RECQL5: variants seen among roughly 807,000 people sequenced by gnomAD.
RECQL5 encodes the protein RecQ like helicase 5, also known as ATP-dependent DNA helicase Q5.
In RECQL5, 88 loss-of-function variants were observed where a neutral mutation model predicts 103.4. The observed-to-expected ratio is 0.85, with a 90% CI of 0.72 to 1.02. The LOEUF (loss-of-function observed/expected upper bound fraction) is 1.02, where lower values mean the gene tolerates loss of function less well. Ranked by LOEUF, RECQL5 falls within the 50% of genes least tolerant of loss-of-function variation. The probability of loss-of-function intolerance (pLI) is 0.00; values close to 1 mark genes in which losing one functional copy is unlikely to be tolerated. For missense variants in RECQL5, 1,232 were observed against 1,284.3 expected (o/e 0.96, Z 0.62); for synonymous variants, 552 against 507.9 (o/e 1.09, Z -1.17).
chr17:75,630,492 C>G (rs1598983688), intron 13 of RECQL5, 127 bp downstream of exon 13: 2 of 1,074,718 alleles, frequency 1.9e-6, no homozygotes, highest in East Asian at 2.4e-5. Flanking sequence ...TAGGGGCAGT[C>G]CCCTGGAGTA....
chr17:75,649,639 G>A, intron 8 of RECQL5: 1 of 985,452 alleles, frequency 1.0e-6, no homozygotes. Flanking sequence ...GTGGAGAAGG[G>A]GCTTTTTCTT....
chr17:75,658,323 A>T lies in RECQL5; in HGVS notation c.1124T>A (p.Ile375Asn). 6.2e-7 allele frequency: 1 copy of T among 1,613,824 alleles called. No homozygotes were observed. The highest frequency in any genetic ancestry group is 2.2e-5 in the East Asian group (1 of 44,860). The change falls in exon 7 of 20, where the codon ATC becomes AAC. Residue 375 changes from isoleucine (I) to asparagine (N), a missense_variant. By Grantham distance (149) the Ile-to-Asn change is moderately radical. Coordinates refer to ENST00000317905, the MANE Select transcript of RECQL5 (RefSeq NM_004259.7). Reference protein sequence around the residue: ...RNDRDQVSFLIRKEVAKLQEK... With the variant: ...RNDRDQVSFLNRKEVAKLQEK... ...CTGGAGTTTTGCTACTTCCTTCCTG[A>T]TCAGGAAGCTGACTTGGTCCCGGTC... is the stretch of plus-strand genomic sequence containing the variant.
Position 75,630,357 on chromosome 17 carries a change from C to A in RECQL5, c.1719-80G>T, listed in dbSNP as rs917445933. On this transcript the variant is annotated intron_variant, in intron 13 of 19. Transcript: ENST00000317905. ...GCTGAGCTCTTGCGGGACTCCAGGC[C>A]TGGTGGGGTAGGCCTTGGGCACAGG... 5.3e-6 allele frequency: 7 copies of A among 1,311,950 alleles called. No homozygotes were observed. In the African/African-American group the frequency reaches 8.9e-5, roughly 17 times the overall value. The allele number at this position is 1,311,950 out of a possible 1,614,324, so 81.3% of individuals were successfully genotyped here. A position where few individuals can be genotyped will look rare whatever the true frequency, so the allele number is the denominator to read the frequency against.
chr17:75,661,454 C>G (rs2059698170), intron 5 of RECQL5, 152 bp downstream of exon 5: 2 of 633,838 alleles, frequency 3.2e-6, no homozygotes, highest in South Asian at 3.7e-5. Context: ...GTCTAGACTC[C>G]TTTTAGGGGA....
chr17:75,645,559 T>A (rs1282332426), intron 8 of RECQL5, among the ~76,000 whole-genome samples: 1 of 152,226 alleles, frequency 6.6e-6, no homozygotes, highest in Non-Finnish European at 1.5e-5. Context: ...AACACTTGAC[T>A]CTTGATAAGC....
intron 8 of RECQL5, among the ~76,000 whole-genome samples, chr17:75,645,737 C>T (rs2059481335): frequency 6.6e-6 from 1 of 152,212 alleles, no homozygotes; most frequent in South Asian, 2.1e-4. Flanking sequence ...AACGACTGTT[C>T]TAAATCTGCC....
intron 6 of RECQL5, among the ~76,000 whole-genome samples, chr17:75,659,689 G>A (rs1242897931): frequency 6.6e-6 from 1 of 152,196 alleles, no homozygotes; most frequent in Admixed American, 6.5e-5. Flanking sequence ...TCTGAAGTCG[G>A]TGTTCTTTCA....
chr17:75,630,541 C>T, intron 13 of RECQL5, 78 bp downstream of exon 13: 1 of 1,491,794 alleles, frequency 6.7e-7, no homozygotes, highest in South Asian at 1.1e-5. Context: ...CCAAACAGGC[C>T]AGGGTTGACA....
intron 7 of RECQL5, among the ~76,000 whole-genome samples, chr17:75,655,439 C>T (rs1456119303): frequency 6.7e-6 from 1 of 150,266 alleles, no homozygotes; most frequent in Non-Finnish European, 1.5e-5. Context: ...TCTGGGCTCA[C>T]TGCAAGCTCC....
chr17:75,665,212 C>A (rs1415604313), intron 2 of RECQL5, 40 bp from the exon 3 acceptor site: 7 of 1,572,604 alleles, frequency 4.5e-6, no homozygotes, highest in Non-Finnish European at 5.2e-6. Context: ...GTGCTTCCTG[C>A]CTTTTCATTG....
Position 75,662,692 on chromosome 17 carries a change from G to T in RECQL5, c.558C>A (p.Ala186=), listed in dbSNP as rs146584251. 3 of 1,614,106 alleles carry T rather than the reference G, an allele frequency of 1.9e-6. No individual in the cohort carries two copies. The South Asian group carries it at 3.3e-5, about 18-fold the overall frequency. ...CTGTGGCGGTCAGAGCCACACAAGG[G>T]GCATGTCCCAGGCGGGAGCGCAGGG... ...LGALRSRLGH[A]PCVALTATAT... is the part of the protein sequence containing the mutation. The change falls in exon 4 of 20, where the codon GCC becomes GCA. Residue 186 remains alanine, a synonymous_variant. Coordinates refer to ENST00000317905, the MANE Select transcript of RECQL5 (RefSeq NM_004259.7).
At position 75,636,274 on chromosome 17, in the gene RECQL5, C is replaced by T. The variant is rs1219661442; in HGVS notation, c.1230-4606G>A. Among the ~76,000 whole-genome samples, 1 of 152,058 alleles carries T rather than the reference C, an allele frequency of 6.6e-6. No homozygotes were observed. The highest frequency in any genetic ancestry group is 1.5e-5 in the Non-Finnish European group (1 of 67,994). ...GAGGGACTCTGGTTGCCCTGGTTCG[C>T]AGGTGGGCACTACCAAGCGTGGGGT... is the stretch of plus-strand genomic sequence containing the variant. On this transcript the variant is annotated intron_variant, in intron 8 of 19. Coordinates refer to ENST00000317905, the MANE Select transcript of RECQL5 (RefSeq NM_004259.7). The surrounding 1 kb of genome is among the most constrained non-coding windows in gnomAD (Gnocchi z 5.4).
chr17:75,627,679 C>G lies in RECQL5; in HGVS notation c.2819G>C (p.Gly940Ala). ...GKFASKELFK[G>A]FARHLSHLLT... ...CAAGTGTGAGAGGTGGCGGGCAAAGCCTTTAAACAACTCCTGGAAGGGAGA... is the reference window on the plus strand; with the variant it reads ...CAAGTGTGAGAGGTGGCGGGCAAAGGCTTTAAACAACTCCTGGAAGGGAGA... Residue 940 changes from glycine to alanine, a missense_variant, in exon 19 of 20, where the codon GGC (glycine) becomes GCC (alanine). Transcript: ENST00000317905. 1 of 1,608,126 alleles carries G rather than the reference C, an allele frequency of 6.2e-7. No homozygotes were observed. Among genetic ancestry groups the G allele is most frequent in the Admixed American group, 1.7e-5 (1 of 58,834 alleles).
rs1336166232 is a variant in RECQL5, at chr17:75,650,142, G to C, written c.1229+1044C>G. 3 of 986,162 alleles carry C rather than the reference G, an allele frequency of 3.0e-6. No individual in the cohort carries two copies. The East Asian group carries it at 3.4e-4, about 111-fold the overall frequency. 61.1% of individuals were successfully genotyped at this position (986,162 alleles called of 1,614,324 possible). On this transcript the variant is annotated intron_variant, in intron 8 of 19. Transcript: ENST00000317905. The stretch of plus-strand genomic sequence containing the variant: ...AAGAAGCCTAAGAAGGCCAAATTTA[G>C]CAACTCCCATATTAATTGTGCTTGA...
At chr17:75,634,614 G>A (rs1010587756) in intron 8 of RECQL5, among the ~76,000 whole-genome samples, 4 of 152,180 alleles carry the variant, frequency 2.6e-5, no homozygotes, top group Admixed American at 1.3e-4. Context: ...CGAGGTCAGC[G>A]CAGGGTCTGC....
At chr17:75,650,823 C>T in intron 8 of RECQL5, 2 of 1,505,122 alleles carry the variant, frequency 1.3e-6, no homozygotes, top group Non-Finnish European at 8.9e-7. Context: ...GTGAGGACTA[C>T]TCAAGTGATG....
rs2047914320 is a variant in RECQL5 at position 75,640,332 on chromosome 17, A to G, written c.1230-8664T>C. Reference sequence around the variant, plus strand: ...TCAGTCATCATCCTTTTCACAGGTTAGTTGGGGCACTCAGCACCCCATGGC... The same window carrying G: ...TCAGTCATCATCCTTTTCACAGGTTGGTTGGGGCACTCAGCACCCCATGGC... On this transcript the variant is annotated intron_variant, in intron 8 of 19. Coordinates refer to ENST00000317905, the MANE Select transcript of RECQL5 (RefSeq NM_004259.7). The surrounding 1 kb of genome is among the most constrained non-coding windows in gnomAD (Gnocchi z 4.6). 1.3e-5 allele frequency: 20 copies of G among 1,544,468 alleles called. No individual in the cohort carries two copies. Among genetic ancestry groups the G allele is most frequent in the Non-Finnish European group, 1.8e-5 (20 of 1,142,696 alleles).
At chr17:75,665,689 CAAAAAA>C (rs1184942786) in intron 2 of RECQL5, among the ~76,000 whole-genome samples, 5 of 63,400 alleles carry the variant, frequency 7.9e-5, no homozygotes, top group African/African-American at 2.5e-4. Context: ...GACTCTGTTT[CAAAAAA>C]AAAAAAAAAA....
intron 7 of RECQL5, among the ~76,000 whole-genome samples, chr17:75,657,450 A>C (rs994137730): frequency 1.3e-5 from 2 of 152,032 alleles, no homozygotes; most frequent in Admixed American, 6.6e-5. Context: ...TAACATGTAC[A>C]CAAAAGACAA....
Sources: allele counts gnomAD v4.1 joint callset (sites outside exome capture counted in the v4.1 genomes callset), GRCh38; gene constraint gnomAD v4.1.1; non-coding constraint Gnocchi (gnomAD v3.1); transcripts MANE v1.5; gene names NCBI Gene and HGNC (gene_info 2026-07-23, HGNC 2026-07-21).